Variants in BACE2 observed in about 807,000 individuals in gnomAD.
BACE2 encodes 56 kDa aspartic-like protease.
In BACE2, 17 loss-of-function variants were observed where a neutral mutation model predicts 46.2. The observed-to-expected ratio is 0.37, with a 90% CI of 0.25 to 0.55. BACE2 has a LOEUF of 0.55. Ranked by LOEUF, BACE2 falls within the 20% of genes least tolerant of loss-of-function variation. The probability of loss-of-function intolerance (pLI) is 0.82; values close to 1 mark genes in which losing one functional copy is unlikely to be tolerated. For synonymous variants in BACE2, 277 were observed against 295.9 expected, an observed-to-expected ratio of 0.94 and a Z score of 0.66; for missense variants, 595 against 698.1, an observed-to-expected ratio of 0.85 and a Z score of 1.66.
intron 1 of BACE2, among the ~76,000 whole-genome samples, chr21:41,215,104 T>TTGGCCTCCCA (rs1206821176): frequency 6.6e-6 from 1 of 151,988 alleles, no homozygotes; most frequent in Admixed American, 6.6e-5. Flanking sequence ...ACTGGTGAGC[T>TTGGCCTCCCA]TGGCCGGCCA....
chr21:41,250,633 C>A, intron 6 of BACE2, 119 bp from the exon 7 acceptor site: 1 of 872,162 alleles, frequency 1.1e-6, no homozygotes, highest in Non-Finnish European at 1.8e-6. Flanking sequence ...CTGTTCTGTC[C>A]AAATTAAACA....
At chr21:41,212,095 G>A (rs1246898315) in intron 1 of BACE2, among the ~76,000 whole-genome samples, 1 of 152,234 alleles carries the variant, frequency 6.6e-6, no homozygotes, top group African/African-American at 2.4e-5. Context: ...CATTTGGGCT[G>A]CTATAACAAA....
rs1371455199 is a variant in BACE2 at position 41,179,749 on chromosome 21, C to T, written c.312+11174C>T. ...AAAAGGAGAATCAAGCTGAGGGTGC[C>T]TGGTGTGGGGTGGGGTGGAGAAGAC... On this transcript the variant is annotated intron_variant, in intron 1 of 8. Coordinates refer to ENST00000330333, the MANE Select transcript of BACE2 (RefSeq NM_012105.5). The T allele has an allele frequency of 1.1e-5, 11 of 988,202 alleles. 1 individual carries two copies. The highest frequency in any genetic ancestry group is 1.5e-5 in the Non-Finnish European group (11 of 712,510). 61.2% of individuals were successfully genotyped at this position (988,202 alleles called of 1,614,324 possible).
rs546872575 is a variant in BACE2, at chr21:41,251,187, T to C, written c.1134+286T>C. On this transcript the variant is annotated intron_variant, in intron 7 of 8. Coordinates refer to ENST00000330333, the MANE Select transcript of BACE2 (RefSeq NM_012105.5). Reference sequence around the variant, plus strand: ...CTCACATATCTGGTGGCGAGGTGGATGGAGGAACAGAGCCATGCGTTTCTC... The same window carrying C: ...CTCACATATCTGGTGGCGAGGTGGACGGAGGAACAGAGCCATGCGTTTCTC... Among the ~76,000 whole-genome samples the C allele has an allele frequency of 4.6e-5, 7 of 152,136 alleles. No individual in the cohort carries two copies. The South Asian group carries it at 1.0e-3, about 23-fold the overall frequency.
At chr21:41,201,140 C>G (rs1187992685) in intron 1 of BACE2, among the ~76,000 whole-genome samples, 1 of 152,236 alleles carries the variant, frequency 6.6e-6, no homozygotes, top group Admixed American at 6.5e-5. Context: ...AGTTGCCCCT[C>G]TGCTGTCTTA....
Position 41,257,249 on chromosome 21 carries a change from C to G in BACE2, c.1226C>G (p.Ala409Gly), listed in dbSNP as rs367858201. 4.3e-6 allele frequency: 7 copies of G among 1,614,186 alleles called. No homozygotes were observed. Among genetic ancestry groups the G allele is most frequent in the Non-Finnish European group, 5.1e-6 (6 of 1,180,040 alleles). ...TCCACAAATGCGCTGGTGATCGGTG[C>G]CACGGTGATGGAGGGCTTCTACGTC... ...SPSTNALVIGATVMEGFYVIF... is the reference protein window; with the variant it reads ...SPSTNALVIGGTVMEGFYVIF... The change falls in exon 8 of 9, where the codon GCC becomes GGC. Residue 409 changes from alanine to glycine, a missense_variant. Physicochemically the swap from Ala to Gly is moderately conservative, Grantham distance 60. Around this residue, in one of 3 missense-constraint regions of BACE2, gnomAD observed 343 missense variants for 419.4 expected, o/e 0.82. Transcript: ENST00000330333.
chr21:41,193,214 G>A lies in BACE2; in HGVS notation c.312+24639G>A, dbSNP rs930544434. 6.6e-6 allele frequency among the ~76,000 whole-genome samples: 1 copy of A among 152,222 alleles called. No homozygotes were observed. The highest frequency in any genetic ancestry group is 1.5e-5 in the Non-Finnish European group (1 of 68,040). ...ACCCCTGAGGTAGGACAGTAAAGGT[G>A]TATTGCCGGCCTTGCCAGCGGAAGG... On this transcript the variant is annotated intron_variant, in intron 1 of 8. Transcript: ENST00000330333. This position sits in a 1 kb window ranked among gnomAD's most constrained non-coding sequence, Gnocchi z 4.2.
chr21:41,192,558 G>A (rs1351927454), intron 1 of BACE2, among the ~76,000 whole-genome samples: 1 of 152,202 alleles, frequency 6.6e-6, no homozygotes, highest in Non-Finnish European at 1.5e-5. Flanking sequence ...GTAGTTATCT[G>A]AAGAAGATGG....
At chr21:41,190,559 T>A (rs1985533715) in intron 1 of BACE2, among the ~76,000 whole-genome samples, 1 of 152,252 alleles carries the variant, frequency 6.6e-6, no homozygotes, top group Admixed American at 6.5e-5. Flanking sequence ...TATTGATGAC[T>A]GCCTTCTTCT....
At chr21:41,178,551 CA>C (rs1214669928) in intron 1 of BACE2, 13 of 153,942 alleles carry the variant, frequency 8.4e-5, no homozygotes, top group Admixed American at 6.4e-4. Context: ...GCCTAGGCAA[CA>C]TAGCAAGTCC....
chr21:41,197,235 C>T (rs145226846), intron 1 of BACE2, among the ~76,000 whole-genome samples: 60 of 150,674 alleles, frequency 4.0e-4, no homozygotes, highest in African/African-American at 1.4e-3. Context: ...GCTGTGATTA[C>T]AGGGATGAGT....
intron 8 of BACE2, among the ~76,000 whole-genome samples, chr21:41,257,941 G>T (rs1408865369): frequency 6.6e-6 from 1 of 152,186 alleles, no homozygotes; most frequent in East Asian, 1.9e-4. Context: ...AGACTTCACG[G>T]TTTGCTTGAA....
chr21:41,251,991 G>A (rs189511132), intron 7 of BACE2, among the ~76,000 whole-genome samples: 194 of 151,824 alleles, frequency 1.3e-3, no homozygotes, highest in African/African-American at 4.4e-3. Context: ...CCTCCCCTCC[G>A]TTACTGAGCC....
chr21:41,243,632 A>G (rs1601301263), intron 5 of BACE2, 122 bp downstream of exon 5: 1 of 1,054,906 alleles, frequency 9.5e-7, no homozygotes, highest in Admixed American at 2.9e-5. Flanking sequence ...GGCTCATTAC[A>G]TGAAAAGATG....
At chr21:41,269,547 T>C (rs2123648526) in intron 8 of BACE2, among the ~76,000 whole-genome samples, 1 of 152,354 alleles carries the variant, frequency 6.6e-6, no homozygotes, top group African/African-American at 2.4e-5. Context: ...CTTCTGTCAC[T>C]GTAGACTAGT....
At chr21:41,217,830 C>T (rs532497237) in intron 1 of BACE2, among the ~76,000 whole-genome samples, 9 of 152,336 alleles carry the variant, frequency 5.9e-5, no homozygotes, top group East Asian at 1.9e-4. Flanking sequence ...GTAAAGGCGG[C>T]GGCCAGCAGC....
intron 8 of BACE2, among the ~76,000 whole-genome samples, chr21:41,271,698 T>G (rs2088436679): frequency 6.6e-6 from 1 of 152,200 alleles, no homozygotes; most frequent in Non-Finnish European, 1.5e-5. Flanking sequence ...TGTAAATTTT[T>G]TAACTGACCA....
At position 41,278,987 on chromosome 21, in the gene BACE2, T is replaced by C. The variant is rs1289476318; in HGVS notation, c.*3363T>C. ...AACTTATTAGACTTGATTAGAAAACTGTTTGGAGGAAAAACTTGCCAGTAA... is the reference window on the plus strand; with the variant it reads ...AACTTATTAGACTTGATTAGAAAACCGTTTGGAGGAAAAACTTGCCAGTAA... On this transcript the variant is annotated 3_prime_UTR_variant, in exon 9 of 9. Transcript: ENST00000330333. 6.6e-6 allele frequency: 1 copy of C among 152,142 alleles called. No individual in the cohort carries two copies. Among genetic ancestry groups the C allele is most frequent in the Non-Finnish European group, 1.5e-5 (1 of 68,026 alleles). 9.4% of individuals were successfully genotyped at this position (152,142 alleles called of 1,614,324 possible). A position where few individuals can be genotyped will look rare whatever the true frequency, so the allele number is the denominator to read the frequency against.
chr21:41,278,102 T>C lies in BACE2; in HGVS notation c.*2478T>C, dbSNP rs1043741826. 2 of 152,198 alleles carry C rather than the reference T, an allele frequency of 1.3e-5. No individual in the cohort carries two copies. The highest frequency in any genetic ancestry group is 4.8e-5 in the African/African-American group (2 of 41,446). 9.4% of individuals were successfully genotyped at this position (152,198 alleles called of 1,614,324 possible). ...GGAACAGGAAAGGAATTAACAACCC[T>C]TTGAGGGTGTCATTTTTACCTTGTA... On this transcript the variant is annotated 3_prime_UTR_variant, in exon 9 of 9. Transcript: ENST00000330333.
Sources: gnomAD v4.1 joint callset for allele counts (sites outside exome capture counted in the v4.1 genomes callset) on GRCh38, gnomAD v4.1.1 for gene constraint, gnomAD v4.1.1 regional missense constraint, Gnocchi (gnomAD v3.1) non-coding constraint, MANE v1.5 for transcripts, NCBI Gene and HGNC (gene_info 2026-07-23, HGNC 2026-07-21) for gene names.